Variants in SSH2 observed in about 807,000 individuals in gnomAD.
SSH2 encodes protein phosphatase Slingshot homolog 2.
A neutral mutation model predicts 135.2 loss-of-function variants in SSH2; 37 were observed. The observed-to-expected ratio is 0.27, with a 90% confidence interval of 0.21 to 0.36. The LOEUF (loss-of-function observed/expected upper bound fraction) is 0.36, where lower values mean the gene tolerates loss of function less well. Ranked by LOEUF, SSH2 falls within the 10% of genes least tolerant of loss-of-function variation. The pLI, the probability that SSH2 is intolerant of heterozygous loss-of-function variation, is 1.00. For missense variants in SSH2, 1,408 were observed against 1,765.3 expected, an observed-to-expected ratio of 0.80 and a Z score of 3.63; for synonymous variants, 628 against 646.2, an observed-to-expected ratio of 0.97 and a Z score of 0.43.
At position 29,626,312 on chromosome 17, in the gene SSH2, C is replaced by A. The variant is rs1033383443; in HGVS notation, c.*4529G>T. The A allele has an allele frequency of 5.3e-5, 8 of 151,968 alleles. No individual in the cohort carries two copies. The highest frequency in any genetic ancestry group is 2.1e-4 in the South Asian group (1 of 4,810). The allele number at this position is 151,968 out of a possible 1,614,324, so 9.4% of individuals were successfully genotyped here. A position where few individuals can be genotyped will look rare whatever the true frequency, so the allele number is the denominator to read the frequency against. On this transcript the variant is annotated 3_prime_UTR_variant, in exon 16 of 16. Coordinates refer to ENST00000540801, the MANE Select transcript of SSH2 (RefSeq NM_001282129.2). ...AAAAAAAAAAAGAAAAGTAAAGGCA[C>A]CTTTAGATATGCCAAGCAAACCAAA...
intron 3 of SSH2, among the ~76,000 whole-genome samples, chr17:29,719,397 A>G (rs747999756): frequency 7.2e-5 from 11 of 152,062 alleles, no homozygotes; most frequent in Non-Finnish European, 1.5e-4. Context: ...CTGTAATCCC[A>G]GCTACTCGGG....
At chr17:29,648,795 G>C (rs1037438573) in intron 13 of SSH2, among the ~76,000 whole-genome samples, 1 of 152,082 alleles carries the variant, frequency 6.6e-6, no homozygotes, top group Admixed American at 6.5e-5. Flanking sequence ...TTGGGGGTTC[G>C]AGACCAGCCT....
chr17:29,777,753 T>A (rs965995365), intron 3 of SSH2: 1 of 163,828 alleles, frequency 6.1e-6, no homozygotes. Flanking sequence ...CCCTTTCCAA[T>A]GTATATTCAT....
chr17:29,782,526 G>A (rs948511693), intron 3 of SSH2, among the ~76,000 whole-genome samples: 1 of 151,970 alleles, frequency 6.6e-6, no homozygotes, highest in African/African-American at 2.4e-5. Context: ...TTTTTTGTGC[G>A]AGACCAGAGT....
intron 3 of SSH2, among the ~76,000 whole-genome samples, chr17:29,780,907 G>C (rs2041826352): frequency 6.6e-6 from 1 of 151,954 alleles, no homozygotes. Context: ...CCGCCTCCCG[G>C]TTCACGCCAT....
At chr17:29,801,731 TCTCA>T (rs2042253711) in intron 2 of SSH2, among the ~76,000 whole-genome samples, 1 of 152,228 alleles carries the variant, frequency 6.6e-6, no homozygotes, top group African/African-American at 2.4e-5. Flanking sequence ...GCCCTTTGCA[TCTCA>T]CTCTGTGTTT....
At chr17:29,691,480 T>G (rs1224006498) in intron 5 of SSH2, among the ~76,000 whole-genome samples, 1 of 125,402 alleles carries the variant, frequency 8.0e-6, no homozygotes, top group East Asian at 2.5e-4. Context: ...AGATTGGCTT[T>G]GTCCTATTTT....
intron 11 of SSH2, among the ~76,000 whole-genome samples, chr17:29,662,746 T>C (rs2037103178): frequency 6.6e-6 from 1 of 152,186 alleles, no homozygotes; most frequent in Non-Finnish European, 1.5e-5. Context: ...TTAAGCCTAG[T>C]ACTCATTAGC....
At chr17:29,810,956 C>T (rs2042430160) in intron 2 of SSH2, among the ~76,000 whole-genome samples, 1 of 151,954 alleles carries the variant, frequency 6.6e-6, no homozygotes, top group Non-Finnish European at 1.5e-5. Context: ...AGCTCATCGG[C>T]TATCATTAGT....
chr17:29,696,580 C>T (rs1436785272), intron 4 of SSH2, among the ~76,000 whole-genome samples: 1 of 145,502 alleles, frequency 6.9e-6, no homozygotes, highest in African/African-American at 2.5e-5. Flanking sequence ...GCCTGGGCGA[C>T]ACAGCGAGAC....
intron 1 of SSH2, among the ~76,000 whole-genome samples, chr17:29,850,405 T>C (rs2065533961): frequency 6.6e-6 from 1 of 152,192 alleles, no homozygotes; most frequent in Non-Finnish European, 1.5e-5. Flanking sequence ...AACTACTTCA[T>C]GGCTATCCTA....
intron 1 of SSH2, among the ~76,000 whole-genome samples, chr17:29,900,994 C>T (rs1439465235): frequency 6.6e-6 from 1 of 152,086 alleles, no homozygotes; most frequent in African/African-American, 2.4e-5. Flanking sequence ...ATGGATGAAG[C>T]TGGAAACCAT....
intron 3 of SSH2, among the ~76,000 whole-genome samples, chr17:29,765,254 T>C (rs1323988182): frequency 1.3e-5 from 2 of 152,184 alleles, no homozygotes; most frequent in African/African-American, 4.8e-5. Context: ...TGCAAAGCAG[T>C]AGAGCCCAGT....
chr17:29,680,141 A>G lies in SSH2; in HGVS notation c.480-2400T>C, dbSNP rs73987120. ...CTGAAAGTGATTGGGGGAAGGGGAA[A>G]CCATTATGCTTTAAAAACAACATAA... On this transcript the variant is annotated intron_variant, in intron 6 of 15. Coordinates refer to ENST00000540801, the MANE Select transcript of SSH2 (RefSeq NM_001282129.2). 2.2e-3 allele frequency among the ~76,000 whole-genome samples: 333 copies of G among 152,314 alleles called. 1 individual carries two copies. Among genetic ancestry groups the G allele is most frequent in the African/African-American group, 7.7e-3 (319 of 41,568 alleles).
At position 29,632,022 on chromosome 17, in the gene SSH2, C is replaced by G. The variant is rs1048958301; in HGVS notation, c.3172G>C (p.Ala1058Pro). The change falls in exon 16 of 16, where the codon GCC (alanine) becomes CCC (proline). Residue 1058 changes from alanine (A) to proline (P), a missense_variant. Ala to Pro is a conservative substitution (Grantham distance 27). Transcript: ENST00000540801. The part of the protein sequence containing the change: ...PNHTGPGSEI[A>P]TSEKSGEQGL... The stretch of plus-strand genomic sequence containing the variant: ...TGCTCTCCGCTCTTCTCACTGGTGG[C>G]TATTTCACTCCCTGGCCCAGTGTGA... The G allele has an allele frequency of 6.2e-6, 10 of 1,614,226 alleles. No homozygotes were observed. Among genetic ancestry groups the G allele is most frequent in the Non-Finnish European group, 7.6e-6 (9 of 1,180,038 alleles).
intron 1 of SSH2, among the ~76,000 whole-genome samples, chr17:29,915,531 A>C (rs1380428683): frequency 6.6e-6 from 1 of 152,224 alleles, no homozygotes; most frequent in East Asian, 1.9e-4. Context: ...CATTCATTCT[A>C]TGATTTGACT....
At chr17:29,746,271 T>C (rs545015291) in intron 3 of SSH2, among the ~76,000 whole-genome samples, 15 of 152,080 alleles carry the variant, frequency 9.9e-5, no homozygotes, top group African/African-American at 3.4e-4. Context: ...TGAGGCCAGG[T>C]GCAATGTCTC....
chr17:29,737,813 C>T (rs534617053), intron 3 of SSH2, among the ~76,000 whole-genome samples: 1 of 152,298 alleles, frequency 6.6e-6, no homozygotes, highest in East Asian at 1.9e-4. Flanking sequence ...GCAAGATATT[C>T]TGCTAACTTA....
chr17:29,855,222 C>A (rs2065641078), intron 1 of SSH2, among the ~76,000 whole-genome samples: 1 of 152,078 alleles, frequency 6.6e-6, no homozygotes, highest in South Asian at 2.1e-4. Context: ...TAGACATAGG[C>A]TGGGCGTGGT....
Sources: allele counts gnomAD v4.1 joint callset (sites outside exome capture counted in the v4.1 genomes callset), GRCh38; gene constraint gnomAD v4.1.1; transcripts MANE v1.5; gene names NCBI Gene and HGNC (gene_info 2026-07-23, HGNC 2026-07-21).